KALRN: variants seen among roughly 807,000 people sequenced by gnomAD.
KALRN encodes the protein kalirin.
In KALRN, 70 loss-of-function variants were observed where a neutral mutation model predicts 353.7. The observed-to-expected ratio is 0.20, with a 90% CI of 0.16 to 0.24. KALRN has a LOEUF of 0.24. Ranked by LOEUF, KALRN falls within the 10% of genes least tolerant of loss-of-function variation. The pLI, the probability that KALRN is intolerant of heterozygous loss-of-function variation, is 1.00. For synonymous variants in KALRN, 1,391 were observed against 1,434.8 expected (o/e 0.97, Z 0.69); for missense variants, 2,791 against 3,756.7 (o/e 0.74, Z 6.72).
chr3:124,520,344 A>G (rs1449611196), intron 33 of KALRN, among the ~76,000 whole-genome samples: 1 of 152,210 alleles, frequency 6.6e-6, no homozygotes, highest in Non-Finnish European at 1.5e-5. Context: ...AGCTATAGCA[A>G]TTTACAAATC....
intron 57 of KALRN, among the ~76,000 whole-genome samples, chr3:124,703,350 T>A (rs2150705434): frequency 6.6e-6 from 1 of 152,304 alleles, no homozygotes; most frequent in African/African-American, 2.4e-5. Flanking sequence ...ATAATGATGA[T>A]CTCAGTATCT....
At chr3:124,397,764 C>T (rs1244793988) in intron 12 of KALRN, among the ~76,000 whole-genome samples, 1 of 152,146 alleles carries the variant, frequency 6.6e-6, no homozygotes, top group Non-Finnish European at 1.5e-5. Context: ...GGAGGCTGCA[C>T]CCCCTCCTAT....
chr3:124,369,302 G>A (rs1295067174), intron 10 of KALRN, among the ~76,000 whole-genome samples: 1 of 152,102 alleles, frequency 6.6e-6, no homozygotes, highest in Admixed American at 6.5e-5. Flanking sequence ...TTTCTTTGGT[G>A]TTTTTCAAAT....
chr3:124,311,276 A>G (rs748518825), intron 6 of KALRN, among the ~76,000 whole-genome samples: 6 of 151,468 alleles, frequency 4.0e-5, no homozygotes, highest in African/African-American at 1.5e-4. Context: ...CCTGGCCAAC[A>G]CGGCAAAACC....
chr3:124,691,676 C>T (rs1410940509), intron 51 of KALRN, among the ~76,000 whole-genome samples: 6 of 152,094 alleles, frequency 3.9e-5, no homozygotes, highest in Admixed American at 3.3e-4. Flanking sequence ...CTGAGATAAC[C>T]ACTGTTAACA....
chr3:124,157,751 G>C (rs2149984567), intron 1 of KALRN, among the ~76,000 whole-genome samples: 1 of 152,284 alleles, frequency 6.6e-6, no homozygotes, highest in South Asian at 2.1e-4. Context: ...TGTCCTGTGT[G>C]GTATTTCTGA....
At chr3:124,035,148 C>G (rs1349685095) in intron 1 of KALRN, among the ~76,000 whole-genome samples, 1 of 152,072 alleles carries the variant, frequency 6.6e-6, no homozygotes, top group African/African-American at 2.4e-5. Context: ...CTTCCCAGGT[C>G]TAAGCCTTCT....
At chr3:124,246,844 T>C (rs1360805108) in intron 3 of KALRN, among the ~76,000 whole-genome samples, 1 of 152,146 alleles carries the variant, frequency 6.6e-6, no homozygotes, top group East Asian at 1.9e-4. Context: ...TAAATTTAGC[T>C]GGGATTCATT....
chr3:124,376,872 A>G (rs1386564696), intron 10 of KALRN, among the ~76,000 whole-genome samples: 1 of 152,206 alleles, frequency 6.6e-6, no homozygotes. Flanking sequence ...CTTTAAAGTG[A>G]ATACAATTCT....
intron 25 of KALRN, among the ~76,000 whole-genome samples, chr3:124,471,810 C>CA (rs2060929393): frequency 6.6e-6 from 1 of 151,352 alleles, no homozygotes; most frequent in African/African-American, 2.4e-5. Context: ...AAGAAAAAGA[C>CA]AAAAAAATTA....
chr3:124,529,111 C>T (rs2067830961), intron 33 of KALRN, among the ~76,000 whole-genome samples: 1 of 152,114 alleles, frequency 6.6e-6, no homozygotes, highest in Non-Finnish European at 1.5e-5. Flanking sequence ...AGTACCCAAA[C>T]TGGTAATTGC....
At chr3:124,585,139 T>C (rs2075032517) in intron 34 of KALRN, among the ~76,000 whole-genome samples, 1 of 152,196 alleles carries the variant, frequency 6.6e-6, no homozygotes, top group Non-Finnish European at 1.5e-5. Context: ...GATGCGGAGC[T>C]GCTGTTTGGG....
intron 1 of KALRN, among the ~76,000 whole-genome samples, chr3:124,204,351 G>A (rs1412979787): frequency 6.6e-6 from 1 of 152,186 alleles, no homozygotes; most frequent in Non-Finnish European, 1.5e-5. Flanking sequence ...CAAATGGGAT[G>A]ATCAGCCAGG....
chr3:124,277,996 A>G (rs866612567), intron 5 of KALRN, among the ~76,000 whole-genome samples: 200 of 146,212 alleles, frequency 1.4e-3, no homozygotes, highest in Middle Eastern at 7.4e-3. Context: ...GAGATGAACT[A>G]TGTGTGTGTG....
At chr3:124,642,806 G>GTTTTTTTTTTGTTGTTTTTTTTTTT (rs1553707031) in intron 37 of KALRN, among the ~76,000 whole-genome samples, 1 of 96,840 alleles carries the variant, frequency 1.0e-5, no homozygotes, top group East Asian at 4.7e-4. Flanking sequence ...CCCAAGCCTC[G>GTTTTTTTTTTGTTGTTTTTTTTTTT]TTTTTTTTTT....
chr3:124,455,473 G>T, intron 22 of KALRN, 114 bp downstream of exon 22: 1 of 1,056,744 alleles, frequency 9.5e-7, no homozygotes, highest in Non-Finnish European at 1.3e-6. Context: ...CTGAGCTATT[G>T]ACTCCTAGAG....
intron 49 of KALRN, 23 bp downstream of exon 49, chr3:124,674,637 C>T (rs562204766): frequency 2.1e-5 from 32 of 1,548,310 alleles, no homozygotes; most frequent in African/African-American, 1.9e-4. Flanking sequence ...TTGGCTTCCC[C>T]GGGAGAGGAG....
intron 1 of KALRN, among the ~76,000 whole-genome samples, chr3:124,093,627 C>T (rs1224982289): frequency 6.6e-6 from 1 of 152,168 alleles, no homozygotes; most frequent in Non-Finnish European, 1.5e-5. Flanking sequence ...GTATCAGGGA[C>T]TCAGATGCCC....
chr3:124,370,867 T>C (rs1292011130), intron 10 of KALRN, among the ~76,000 whole-genome samples: 2 of 152,236 alleles, frequency 1.3e-5, no homozygotes, highest in African/African-American at 4.8e-5. Context: ...CTGCTGTTAA[T>C]CATAGGCATG....
Sources: allele counts gnomAD v4.1 joint callset (sites outside exome capture counted in the v4.1 genomes callset), GRCh38; gene constraint gnomAD v4.1.1; transcripts MANE v1.5; gene names NCBI Gene and HGNC (gene_info 2026-07-23, HGNC 2026-07-21).